The following PPM1L variants were observed in gnomAD, a reference collection of about 807,000 sequenced individuals.
The protein encoded by PPM1L is protein phosphatase, Mg2+/Mn2+ dependent 1L.
A neutral mutation model predicts 31.4 loss-of-function variants in PPM1L; 13 were observed. The ratio of observed to expected loss-of-function variants is 0.41; its 90% confidence interval spans 0.27 to 0.66. The LOEUF is 0.66. Among genes scored for constraint, PPM1L ranks in the 30% least tolerant of loss-of-function variants. The pLI is 0.29. For synonymous variants in PPM1L, 184 were observed against 175.4 expected, an observed-to-expected ratio of 1.05 and a Z score of -0.39; for missense variants, 326 against 453.7, an observed-to-expected ratio of 0.72 and a Z score of 2.56.
chr3:160,998,417 TA>T (rs1717388445), intron 2 of PPM1L, among the ~76,000 whole-genome samples: 1 of 152,216 alleles, frequency 6.6e-6, no homozygotes, highest in Admixed American at 6.5e-5. Flanking sequence ...ACAAAACACA[TA>T]AAAATTAGTT....
At chr3:160,771,081 T>C (rs1715242403) in intron 1 of PPM1L, among the ~76,000 whole-genome samples, 1 of 152,308 alleles carries the variant, frequency 6.6e-6, no homozygotes, top group Middle Eastern at 3.4e-3. Flanking sequence ...TAAAATTTAT[T>C]CCAAAGAATA....
chr3:161,015,013 G>T (rs1426356076), intron 2 of PPM1L, among the ~76,000 whole-genome samples: 1 of 151,794 alleles, frequency 6.6e-6, no homozygotes, highest in Non-Finnish European at 1.5e-5. Context: ...AATGGGAAAA[G>T]GTCACAGTTG....
At chr3:160,926,500 G>A (rs1714595126) in intron 1 of PPM1L, among the ~76,000 whole-genome samples, 3 of 152,158 alleles carry the variant, frequency 2.0e-5, no homozygotes, top group Non-Finnish European at 1.5e-5. Context: ...AGCACACCAA[G>A]AGTTTAAGCT....
At chr3:161,049,215 C>T (rs1719188081) in intron 2 of PPM1L, among the ~76,000 whole-genome samples, 2 of 151,760 alleles carry the variant, frequency 1.3e-5, no homozygotes, top group African/African-American at 4.8e-5. Context: ...GAGATCGAGG[C>T]TGCAATGAGC....
chr3:160,816,952 T>C (rs1408795564), intron 1 of PPM1L, among the ~76,000 whole-genome samples: 1 of 152,120 alleles, frequency 6.6e-6, no homozygotes, highest in Non-Finnish European at 1.5e-5. Flanking sequence ...ATAATCTCTT[T>C]AGTTCTTGGC....
At chr3:160,867,388 C>T (rs758612807) in intron 1 of PPM1L, among the ~76,000 whole-genome samples, 3 of 146,598 alleles carry the variant, frequency 2.0e-5, no homozygotes, top group Non-Finnish European at 4.5e-5. Flanking sequence ...TATTACTATC[C>T]TTTTTTCAGA....
At chr3:160,847,659 C>T (rs186910883) in intron 1 of PPM1L, among the ~76,000 whole-genome samples, 3 of 152,212 alleles carry the variant, frequency 2.0e-5, no homozygotes, top group East Asian at 3.9e-4. Flanking sequence ...CACCCAGGGA[C>T]ATACCAAAAA....
chr3:160,823,385 G>C (rs200758152), intron 1 of PPM1L, among the ~76,000 whole-genome samples: 1 of 87,900 alleles, frequency 1.1e-5, no homozygotes, highest in African/African-American at 4.2e-5. Flanking sequence ...TTTTTTTTTT[G>C]TATTTTTAGT....
intron 1 of PPM1L, among the ~76,000 whole-genome samples, chr3:160,781,892 C>G (rs1711757329): frequency 6.6e-6 from 1 of 152,142 alleles, no homozygotes; most frequent in Admixed American, 6.6e-5. Flanking sequence ...CTTCCTGTGC[C>G]CAGCAGTGGC....
At chr3:160,807,648 CAT>C (rs1431007017) in intron 1 of PPM1L, among the ~76,000 whole-genome samples, 1 of 152,114 alleles carries the variant, frequency 6.6e-6, no homozygotes. Context: ...TCAGCAGCTG[CAT>C]TGTCCAATAA....
chr3:160,769,411 G>A (rs77718874), intron 1 of PPM1L, among the ~76,000 whole-genome samples: 6 of 152,150 alleles, frequency 3.9e-5, no homozygotes, highest in African/African-American at 1.4e-4. Context: ...TTTTTGGATT[G>A]TCTTAGGGAT....
intron 1 of PPM1L, among the ~76,000 whole-genome samples, chr3:160,807,313 G>A (rs1036431321): frequency 6.6e-6 from 1 of 152,154 alleles, no homozygotes; most frequent in African/African-American, 2.4e-5. Context: ...CTATATTGCT[G>A]ACAAGTTATT....
chr3:161,040,423 G>A (rs1718876086), intron 2 of PPM1L, among the ~76,000 whole-genome samples: 1 of 152,114 alleles, frequency 6.6e-6, no homozygotes, highest in Admixed American at 6.6e-5. Context: ...GATCCTTAAG[G>A]GTGGGTATTT....
chr3:161,024,326 G>A (rs138016672), intron 2 of PPM1L, among the ~76,000 whole-genome samples: 103 of 151,998 alleles, frequency 6.8e-4, no homozygotes, highest in African/African-American at 2.3e-3. Flanking sequence ...TGACTGCAGT[G>A]TTAAATAATT....
chr3:160,829,023 C>T (rs1454227086), intron 1 of PPM1L, among the ~76,000 whole-genome samples: 3 of 152,004 alleles, frequency 2.0e-5, no homozygotes, highest in East Asian at 3.9e-4. Context: ...GCAATAATTT[C>T]AGGGCAAGGA....
Position 161,075,380 on chromosome 3 carries a change from T to C in PPM1L, c.*6223T>C, listed in dbSNP as rs567364783. 2 of 152,314 alleles carry C rather than the reference T, an allele frequency of 1.3e-5. No individual in the cohort carries two copies. The highest frequency in any genetic ancestry group is 4.1e-4 in the South Asian group (2 of 4,832). The allele number at this position is 152,314 out of a possible 1,614,324, so 9.4% of individuals were successfully genotyped here. ...ATATATAGGTTGTGTTTAATAGTAA[T>C]TTCTGACACCTGCACATAGATGAAG... On this transcript the variant is annotated 3_prime_UTR_variant, in exon 4 of 4. Transcript: ENST00000498165.
At chr3:160,949,193 T>A (rs1715501326) in intron 1 of PPM1L, among the ~76,000 whole-genome samples, 1 of 152,160 alleles carries the variant, frequency 6.6e-6, no homozygotes, top group African/African-American at 2.4e-5. Context: ...AGCCCTGTCC[T>A]AGTGCCCTTC....
At chr3:160,964,135 T>C (rs1716058313) in intron 2 of PPM1L, among the ~76,000 whole-genome samples, 2 of 152,026 alleles carry the variant, frequency 1.3e-5, no homozygotes, top group East Asian at 3.9e-4. Flanking sequence ...TTGGACCTTG[T>C]CTATCCCTTA....
At chr3:161,005,654 A>C (rs1460615920) in intron 2 of PPM1L, among the ~76,000 whole-genome samples, 1 of 152,174 alleles carries the variant, frequency 6.6e-6, no homozygotes, top group Non-Finnish European at 1.5e-5. Flanking sequence ...GAAATCAAAC[A>C]GTGGTATATA....
Sources: allele counts gnomAD v4.1 joint callset (sites outside exome capture counted in the v4.1 genomes callset), GRCh38; gene constraint gnomAD v4.1.1; transcripts MANE v1.5; gene names NCBI Gene and HGNC (gene_info 2026-07-23, HGNC 2026-07-21).